USH2A: variants seen among roughly 807,000 people sequenced by gnomAD.
USH2A encodes the protein Usher syndrome 2A (autosomal recessive, mild).
A neutral mutation model predicts 538.9 loss-of-function variants in USH2A; 443 were observed. That is an observed-to-expected ratio of 0.82 (90% CI 0.76 to 0.89). The LOEUF (loss-of-function observed/expected upper bound fraction) is 0.89, where lower values mean the gene tolerates loss of function less well. Among genes scored for constraint, USH2A ranks in the 40% least tolerant of loss-of-function variants. The pLI is 0.00. For missense variants in USH2A, 6,633 were observed against 6,324.8 expected, an observed-to-expected ratio of 1.05 and a Z score of -1.65; for synonymous variants, 2,413 against 2,273.5, an observed-to-expected ratio of 1.06 and a Z score of -1.75.
intron 44 of USH2A, among the ~76,000 whole-genome samples, chr1:215,863,296 A>G (rs1269084822): frequency 1.3e-5 from 2 of 152,158 alleles, no homozygotes; most frequent in African/African-American, 2.4e-5. Context: ...GACAATGGAA[A>G]AGTCAGATGT....
At chr1:216,134,021 CT>C (rs1441752132) in intron 21 of USH2A, among the ~76,000 whole-genome samples, 1 of 152,050 alleles carries the variant, frequency 6.6e-6, no homozygotes, top group Admixed American at 6.6e-5. Context: ...GATATCTGCT[CT>C]GCATTGTGTT....
At chr1:215,672,116 TCTC>T (rs1355914888) in intron 63 of USH2A, among the ~76,000 whole-genome samples, 5 of 152,186 alleles carry the variant, frequency 3.3e-5, no homozygotes, top group African/African-American at 9.7e-5. Flanking sequence ...AGCAGGGACT[TCTC>T]CTTTCCAACA....
chr1:216,102,604 C>T lies in USH2A; in HGVS notation c.4628-5391G>A, dbSNP rs547994720. Among the ~76,000 whole-genome samples the T allele has an allele frequency of 6.6e-5, 10 of 152,102 alleles. No individual in the cohort carries two copies. In the South Asian group the frequency reaches 1.9e-3, roughly 28 times the overall value. On this transcript the variant is annotated intron_variant, in intron 21 of 71. Coordinates refer to ENST00000307340, the MANE Select transcript of USH2A (RefSeq NM_206933.4). ...CACGAGGTCAGGAGACCGAGACCATCCTGGATAACACGGCGAAACCTCGTC... is the reference window on the plus strand; with the variant it reads ...CACGAGGTCAGGAGACCGAGACCATTCTGGATAACACGGCGAAACCTCGTC...
intron 40 of USH2A, among the ~76,000 whole-genome samples, chr1:215,892,221 T>C (rs1665227861): frequency 6.6e-6 from 1 of 152,144 alleles, no homozygotes; most frequent in Non-Finnish European, 1.5e-5. Flanking sequence ...TGTATATAAC[T>C]TTCAGTGGTT....
At chr1:215,658,079 C>T (rs912364892) in intron 64 of USH2A, among the ~76,000 whole-genome samples, 6 of 151,828 alleles carry the variant, frequency 4.0e-5, no homozygotes, top group African/African-American at 7.2e-5. Flanking sequence ...GGACTACAGG[C>T]GCACGCCACC....
intron 61 of USH2A, among the ~76,000 whole-genome samples, chr1:215,693,105 T>TGTGC (rs1182251184): frequency 6.3e-4 from 69 of 109,018 alleles, no homozygotes; most frequent in Middle Eastern, 8.8e-3. Flanking sequence ...TGTGTGTGTG[T>TGTGC]GTGTGTATGT....
chr1:215,738,940 T>G (rs1660228050), intron 60 of USH2A, among the ~76,000 whole-genome samples: 2 of 152,184 alleles, frequency 1.3e-5, no homozygotes, highest in African/African-American at 2.4e-5. Flanking sequence ...CCATTCTATT[T>G]CTGTCCTTAC....
chr1:215,641,098 T>C (rs1218977546), intron 67 of USH2A, among the ~76,000 whole-genome samples: 1 of 152,162 alleles, frequency 6.6e-6, no homozygotes, highest in African/African-American at 2.4e-5. Flanking sequence ...TTCCCTCTTT[T>C]TAACAGGTAA....
At chr1:215,885,423 TTAGTC>T (rs1458673272) in intron 41 of USH2A, among the ~76,000 whole-genome samples, 2 of 152,208 alleles carry the variant, frequency 1.3e-5, no homozygotes, top group African/African-American at 2.4e-5. Flanking sequence ...ATAAATGAAA[TTAGTC>T]TATAGTTTCA....
Position 215,625,756 on chromosome 1 carries a change from G to A in USH2A, c.*25C>T, listed in dbSNP as rs116383493. Reference sequence around the variant, plus strand: ...ATGGGTGCAGACCTTGCATTCCAGGGTTACGTCTTCTGGGTTTCCATCCTT... The same window carrying A: ...ATGGGTGCAGACCTTGCATTCCAGGATTACGTCTTCTGGGTTTCCATCCTT... On this transcript the variant is annotated 3_prime_UTR_variant, in exon 72 of 72. Transcript: ENST00000307340. The A allele has an allele frequency of 2.9e-4, 475 of 1,611,230 alleles. 1 individual carries two copies. In the African/African-American group the frequency reaches 5.7e-3, roughly 19 times the overall value.
At chr1:216,221,303 C>T (rs2035453741) in intron 14 of USH2A, among the ~76,000 whole-genome samples, 1 of 152,108 alleles carries the variant, frequency 6.6e-6, no homozygotes, top group Non-Finnish European at 1.5e-5. Flanking sequence ...TCTCTTAAAC[C>T]AGTGTTCTCA....
At chr1:215,772,932 C>G (rs1009215321) in intron 55 of USH2A, among the ~76,000 whole-genome samples, 3 of 152,182 alleles carry the variant, frequency 2.0e-5, no homozygotes, top group African/African-American at 7.2e-5. Flanking sequence ...TTGTGAATAA[C>G]CATCCTGCGG....
rs999481242 is a variant in USH2A at position 215,756,252 on chromosome 1, A to G, written c.11389+2343T>C. The stretch of plus-strand genomic sequence containing the variant: ...CGTTTAAGTTCAGCTAATAGGTGGC[A>G]GTATTGGGATATGAATCCAGGCTTT... On this transcript the variant is annotated intron_variant, in intron 58 of 71. Transcript: ENST00000307340. 1.7e-4 allele frequency among the ~76,000 whole-genome samples: 26 copies of G among 152,210 alleles called. 1 individual carries two copies. Among genetic ancestry groups the G allele is most frequent in the Admixed American group, 1.6e-3 (24 of 15,276 alleles).
intron 36 of USH2A, among the ~76,000 whole-genome samples, chr1:215,969,107 A>C (rs1667429049): frequency 6.6e-6 from 1 of 152,164 alleles, no homozygotes; most frequent in Non-Finnish European, 1.5e-5. Context: ...ATGGGCTTTA[A>C]CTTCTTGGTA....
chr1:215,731,906 A>G (rs1252843136), intron 60 of USH2A, among the ~76,000 whole-genome samples: 1 of 152,232 alleles, frequency 6.6e-6, no homozygotes, highest in Non-Finnish European at 1.5e-5. Context: ...TGGCTCTGCC[A>G]CTTAGTTCAA....
intron 38 of USH2A, among the ~76,000 whole-genome samples, chr1:215,920,600 C>T (rs946831891): frequency 2.6e-5 from 4 of 151,956 alleles, no homozygotes; most frequent in African/African-American, 9.7e-5. Flanking sequence ...TATGAAACCC[C>T]TTCCCAGATG....
intron 23 of USH2A, among the ~76,000 whole-genome samples, chr1:216,088,126 C>T (rs1474414343): frequency 8.5e-5 from 13 of 152,066 alleles, no homozygotes; most frequent in Admixed American, 8.5e-4. Context: ...CACTTCAGGG[C>T]CCTGATACTT....
intron 50 of USH2A, among the ~76,000 whole-genome samples, chr1:215,797,369 T>C (rs1452550272): frequency 6.6e-6 from 1 of 152,208 alleles, no homozygotes; most frequent in African/African-American, 2.4e-5. Context: ...TGAAGGTGGC[T>C]ACACTAAACA....
chr1:215,762,616 C>T (rs1252694236), intron 56 of USH2A, among the ~76,000 whole-genome samples: 1 of 152,120 alleles, frequency 6.6e-6, no homozygotes, highest in African/African-American at 2.4e-5. Flanking sequence ...ACATCGTTAT[C>T]TTGGCAGCTG....
Sources: gnomAD v4.1 joint callset for allele counts (sites outside exome capture counted in the v4.1 genomes callset) on GRCh38, gnomAD v4.1.1 for gene constraint, MANE v1.5 for transcripts, NCBI Gene and HGNC (gene_info 2026-07-23, HGNC 2026-07-21) for gene names.